LZIC: variants seen among roughly 807,000 people sequenced by gnomAD.
LZIC encodes the protein protein LZIC.
Under a neutral mutation model 25.4 loss-of-function variants are expected in LZIC, and 28 were observed. The observed-to-expected ratio is 1.10, with a 90% confidence interval of 0.82 to 1.51. The LOEUF is 1.51. LZIC is among the 40% of genes most tolerant of loss of function. LZIC has a pLI of 0.00. For missense variants in LZIC, 170 were observed against 211.1 expected, an observed-to-expected ratio of 0.81 and a Z score of 1.21; for synonymous variants, 65 against 70.7, an observed-to-expected ratio of 0.92 and a Z score of 0.40.
Position 9,929,583 on chromosome 1 carries a change from T to G in LZIC, c.*816A>C. Reference sequence around the variant, plus strand: ...CCTCTAGCTGCCATTTCCTGTTGCTTCCCTGGTCAAACAACGCAGGCGGCT... The same window carrying G: ...CCTCTAGCTGCCATTTCCTGTTGCTGCCCTGGTCAAACAACGCAGGCGGCT... On this transcript the variant is annotated 3_prime_UTR_variant, in exon 8 of 8. Transcript: ENST00000377223. The G allele has an allele frequency of 1.0e-6, 1 of 985,376 alleles. No individual in the cohort carries two copies. Among genetic ancestry groups the G allele is most frequent in the Non-Finnish European group, 1.2e-6 (1 of 829,920 alleles). 61.0% of individuals were successfully genotyped at this position (985,376 alleles called of 1,614,324 possible).
At chr1:9,923,204 A>G (rs1639902767), downstream of LZIC, among the ~76,000 whole-genome samples, 1 of 152,144 alleles carries the variant, frequency 6.6e-6, no homozygotes, top group Admixed American at 6.6e-5. Flanking sequence ...GGTCAACCCA[A>G]ATACAATGCC....
In LZIC at chr1:9,930,069, T is replaced by G; in HGVS notation, c.*330A>C. ...GAAAAATATCATTACTTCACATCTT[T>G]TCGTTCACTATCAACACTTAAAAAC... is the stretch of plus-strand genomic sequence containing the variant. On this transcript the variant is annotated 3_prime_UTR_variant, in exon 8 of 8. Coordinates refer to ENST00000377223, the MANE Select transcript of LZIC (RefSeq NM_032368.5). 9.5e-7 allele frequency: 1 copy of G among 1,057,744 alleles called. No individual in the cohort carries two copies. Among genetic ancestry groups the G allele is most frequent in the Non-Finnish European group, 1.1e-6 (1 of 874,032 alleles). 65.5% of individuals were successfully genotyped at this position (1,057,744 alleles called of 1,614,324 possible).
chr1:9,937,847 C>CAAA (rs34452687), intron 2 of LZIC, among the ~76,000 whole-genome samples: 174 of 52,698 alleles, frequency 3.3e-3, no homozygotes, highest in East Asian at 6.9e-3. Context: ...GACCCTGACT[C>CAAA]AAAAAAAAAA....
chr1:9,932,923 A>T (rs1408492950), intron 5 of LZIC, 25 bp from the exon 6 acceptor site: 2 of 1,453,190 alleles, frequency 1.4e-6, no homozygotes, highest in Non-Finnish European at 1.9e-6. Flanking sequence ...TGCAAGGCAT[A>T]TGTTACTTAA....
chr1:9,940,289 G>A (rs1332351251), intron 2 of LZIC, among the ~76,000 whole-genome samples: 1 of 151,986 alleles, frequency 6.6e-6, no homozygotes, highest in Non-Finnish European at 1.5e-5. Flanking sequence ...CCATTCTCCT[G>A]CCTCAGCCTC....
chr1:9,940,232 A>G, intron 2 of LZIC, among the ~76,000 whole-genome samples: 1 of 150,626 alleles, frequency 6.6e-6, no homozygotes, highest in East Asian at 2.0e-4. Flanking sequence ...GCTGGAGTGC[A>G]GTGGAGCAAT....
intron 2 of LZIC, among the ~76,000 whole-genome samples, chr1:9,936,986 G>C (rs576613884): frequency 1.3e-5 from 2 of 152,114 alleles, no homozygotes; most frequent in African/African-American, 4.8e-5. Context: ...AAAAAAGGCC[G>C]GATGTGGTGG....
Position 9,929,638 on chromosome 1 carries a change from T to C in LZIC, c.*761A>G. 1.0e-6 allele frequency: 1 copy of C among 985,400 alleles called. No individual in the cohort carries two copies. The highest frequency in any genetic ancestry group is 1.2e-6 in the Non-Finnish European group (1 of 829,938). The allele number at this position is 985,400 out of a possible 1,614,324, so 61.0% of individuals were successfully genotyped here. ...CACTTTAGGAAACGCTCAACAGGGC[T>C]CCCATTGTTCCAACCTCAAAATTCC... On this transcript the variant is annotated 3_prime_UTR_variant, in exon 8 of 8. Coordinates refer to ENST00000377223, the MANE Select transcript of LZIC (RefSeq NM_032368.5).
intron 2 of LZIC, among the ~76,000 whole-genome samples, chr1:9,941,082 T>G (rs1430299459): frequency 5.3e-5 from 8 of 152,216 alleles, no homozygotes; most frequent in Non-Finnish European, 8.8e-5. Context: ...CTTCAAAGTC[T>G]AGTTCAAGTG....
chr1:9,933,254 CAAA>C (rs60791463), intron 5 of LZIC, among the ~76,000 whole-genome samples: 352 of 43,124 alleles, frequency 8.2e-3, no homozygotes, highest in South Asian at 0.018. Context: ...GACTCCACCA[CAAA>C]AAAAAAAAAA....
Position 9,936,575 on chromosome 1 carries a change from A to G in LZIC, c.45T>C (p.Asn15=), listed in dbSNP as rs761395352. The change falls in exon 3 of 8, where the codon AAT becomes AAC. Residue 15 remains asparagine (N), a synonymous_variant. Coordinates refer to ENST00000377223, the MANE Select transcript of LZIC (RefSeq NM_032368.5). ...TGAGTCTATCCAACTGTTCTTCTAA[A>G]TTCTGCTTTAATTTGCTTGTCTCTG... ...GKTETSKLKQ[N]LEEQLDRLMQ... 5.6e-6 allele frequency: 9 copies of G among 1,613,814 alleles called. No individual in the cohort carries two copies. The East Asian group carries it at 2.0e-4, about 36-fold the overall frequency.
In LZIC at chr1:9,929,138, G is replaced by A. The variant is rs1325910942; in HGVS notation, c.*1261C>T. On this transcript the variant is annotated 3_prime_UTR_variant, in exon 8 of 8. Coordinates refer to ENST00000377223, the MANE Select transcript of LZIC (RefSeq NM_032368.5). ...GGTTGCACACCACTGTAAATGTTCTGCCAACGAATGGTACACTTTAAAATG... is the reference window on the plus strand; with the variant it reads ...GGTTGCACACCACTGTAAATGTTCTACCAACGAATGGTACACTTTAAAATG... 5 of 221,844 alleles carry A rather than the reference G, an allele frequency of 2.3e-5. No individual in the cohort carries two copies. Among genetic ancestry groups the A allele is most frequent in the Non-Finnish European group, 3.8e-5 (5 of 131,992 alleles). 13.7% of individuals were successfully genotyped at this position (221,844 alleles called of 1,614,324 possible).
At chr1:9,933,130 C>A (rs1459303836) in intron 5 of LZIC, among the ~76,000 whole-genome samples, 1 of 151,212 alleles carries the variant, frequency 6.6e-6, no homozygotes, top group East Asian at 1.9e-4. Flanking sequence ...TGGCAGGCGC[C>A]TGTAGTCCCA....
At chr1:9,923,081 C>T (rs982697877), downstream of LZIC, among the ~76,000 whole-genome samples, 5 of 152,156 alleles carry the variant, frequency 3.3e-5, no homozygotes, top group African/African-American at 1.2e-4. Context: ...AAGGAAAAGA[C>T]AGGAGTAACA....
chr1:9,935,898 G>A (rs1311505594), intron 3 of LZIC, among the ~76,000 whole-genome samples: 2 of 152,150 alleles, frequency 1.3e-5, no homozygotes, highest in African/African-American at 4.8e-5. Context: ...GGAAGGCTGA[G>A]ATGGGCAGAT....
At chr1:9,932,928 A>G in intron 5 of LZIC, 30 bp from the exon 6 acceptor site, 1 of 1,410,252 alleles carries the variant, frequency 7.1e-7, no homozygotes, top group South Asian at 1.2e-5. Flanking sequence ...GGCATATGTT[A>G]CTTAAGTGAA....
At chr1:9,924,415 C>T (rs1350956896), downstream of LZIC, among the ~76,000 whole-genome samples, 2 of 151,886 alleles carry the variant, frequency 1.3e-5, no homozygotes, top group Non-Finnish European at 2.9e-5. Flanking sequence ...AGTGCAGTGG[C>T]GCGATCTCAG....
intron 3 of LZIC, 143 bp downstream of exon 3, chr1:9,936,375 AT>A: frequency 1.7e-6 from 1 of 576,374 alleles, no homozygotes; most frequent in Non-Finnish European, 3.1e-6. Context: ...AAAGCCTGCA[AT>A]AAGTTTACTT....
At chr1:9,931,488 T>C (rs1640208654) in intron 7 of LZIC, among the ~76,000 whole-genome samples, 1 of 152,018 alleles carries the variant, frequency 6.6e-6, no homozygotes, top group Admixed American at 6.6e-5. Flanking sequence ...GGTCTCGATC[T>C]CCTGACCTCG....
Sources: gnomAD v4.1 joint callset for allele counts (sites outside exome capture counted in the v4.1 genomes callset) on GRCh38, gnomAD v4.1.1 for gene constraint, MANE v1.5 for transcripts, NCBI Gene and HGNC (gene_info 2026-07-23, HGNC 2026-07-21) for gene names.